Variants in CD4 observed in about 807,000 individuals in gnomAD.
CD4 encodes the protein T-cell surface glycoprotein CD4.
A neutral mutation model predicts 50.5 loss-of-function variants in CD4; 25 were observed. The ratio of observed to expected loss-of-function variants is 0.49; its 90% confidence interval spans 0.36 to 0.69. CD4 has a LOEUF of 0.69. Ranked by LOEUF, CD4 falls within the 30% of genes least tolerant of loss-of-function variation. The pLI, the probability that CD4 is intolerant of heterozygous loss-of-function variation, is 0.00. For missense variants in CD4, 456 were observed against 548.5 expected, an observed-to-expected ratio of 0.83 and a Z score of 1.68; for synonymous variants, 207 against 221.9, an observed-to-expected ratio of 0.93 and a Z score of 0.60.
chr12:6,801,789 T>TAG, intron 3 of CD4, among the ~76,000 whole-genome samples: 1 of 151,526 alleles, frequency 6.6e-6, no homozygotes, highest in Admixed American at 6.6e-5. Flanking sequence ...CTTGATCTCC[T>TAG]GACCTCGTGA....
At chr12:6,798,386 A>T (rs1942438126) in intron 1 of CD4, among the ~76,000 whole-genome samples, 1 of 98,470 alleles carries the variant, frequency 1.0e-5, no homozygotes, top group East Asian at 1.9e-4. Context: ...GTTCACCAGG[A>T]TGGTCTCGAT....
At chr12:6,815,552 C>T (rs3782736) in intron 5 of CD4, among the ~76,000 whole-genome samples, 1 of 151,920 alleles carries the variant, frequency 6.6e-6, no homozygotes, top group Non-Finnish European at 1.5e-5. Flanking sequence ...AACCATGTGA[C>T]CTTGGGTGAG....
rs782517618 is a variant in CD4, at chr12:6,819,370, T to C, written c.*41T>C. On this transcript the variant is annotated 3_prime_UTR_variant, in exon 10 of 10. Transcript: ENST00000011653. ...AGATCCCACTTGCAGCCTCCCCAGG[T>C]GTCTGCCCCGCGTTTCCTGCCTGCG... The C allele has an allele frequency of 1.2e-6, 2 of 1,601,258 alleles. No individual in the cohort carries two copies. The highest frequency in any genetic ancestry group is 2.2e-5 in the East Asian group (1 of 44,820).
In CD4 at chr12:6,817,358, C is replaced by T. The variant is rs1943108509; in HGVS notation, c.1156+28C>T. 1.9e-6 allele frequency: 3 copies of T among 1,540,118 alleles called. 1 individual carries two copies. In the South Asian group the frequency reaches 3.6e-5, roughly 18 times the overall value. ...AAGGACCCAGGTTCCAAGGCCTCTG[C>T]CTCCTGGGCTGCGGGACCTTCCTGT... On this transcript the variant is annotated intron_variant, in intron 7 of 9. Coordinates refer to ENST00000011653, the MANE Select transcript of CD4 (RefSeq NM_000616.5).
intron 3 of CD4, among the ~76,000 whole-genome samples, chr12:6,809,887 C>CTT (rs1345214938): frequency 8.6e-6 from 1 of 116,650 alleles, no homozygotes; most frequent in East Asian, 2.9e-4. Context: ...ATTGCCTATA[C>CTT]CTCTTTTTTT....
In CD4 at chr12:6,816,131, C is replaced by T. The variant is rs200190524; in HGVS notation, c.683C>T (p.Thr228Ile). The T allele has an allele frequency of 2.5e-6, 4 of 1,614,070 alleles. No individual in the cohort carries two copies. The highest frequency in any genetic ancestry group is 3.4e-6 in the Non-Finnish European group (4 of 1,180,036). ...GAGTTCTCCTTCCCACTCGCCTTTA[C>T]AGTTGAAAAGCTGACGGGCAGTGGC... ...QVEFSFPLAF[T>I]VEKLTGSGEL... The change falls in exon 6 of 10, where the codon ACA (threonine) becomes ATA (isoleucine). Residue 228 changes from threonine (T) to isoleucine (I), a missense_variant. Coordinates refer to ENST00000011653, the MANE Select transcript of CD4 (RefSeq NM_000616.5). This position sits in a 1 kb window ranked among gnomAD's most constrained non-coding sequence, Gnocchi z 4.9.
intron 7 of CD4, among the ~76,000 whole-genome samples, chr12:6,817,918 C>T (rs966756730): frequency 2.0e-5 from 3 of 151,932 alleles, no homozygotes; most frequent in East Asian, 1.9e-4. Flanking sequence ...CACACACTGT[C>T]GTACACGTAC....
intron 3 of CD4, among the ~76,000 whole-genome samples, chr12:6,803,556 A>G (rs1555115707): frequency 5.4e-5 from 8 of 146,832 alleles, no homozygotes; most frequent in East Asian, 2.0e-4. Context: ...AGGCTGTGGC[A>G]GGCGGATCAC....
chr12:6,819,179 G>T, intron 9 of CD4, 120 bp from the exon 10 acceptor site: 1 of 1,012,050 alleles, frequency 9.9e-7, no homozygotes. Context: ...AGCAGGCCAG[G>T]AAAGGCCCTG....
chr12:6,818,115 T>G lies in CD4; in HGVS notation c.1157-306T>G, dbSNP rs1943150388. Among the ~76,000 whole-genome samples, 1 of 144,712 alleles carries G rather than the reference T, an allele frequency of 6.9e-6. No individual in the cohort carries two copies. Among genetic ancestry groups the G allele is most frequent in the Non-Finnish European group, 1.5e-5 (1 of 66,158 alleles). 94.9% of individuals were successfully genotyped at this position (144,712 alleles called of 152,430 possible). On this transcript the variant is annotated intron_variant, in intron 7 of 9. Transcript: ENST00000011653. The surrounding 1 kb of genome is among the most constrained non-coding windows in gnomAD (Gnocchi z 5.0). ...GCGCACACGCGCGCACACACACACATTCACACCATTCACACACGCACACAC... is the reference window on the plus strand; with the variant it reads ...GCGCACACGCGCGCACACACACACAGTCACACCATTCACACACGCACACAC...
Position 6,819,318 on chromosome 12 carries a change from AG to A in CD4, c.1367del (p.Ser456ThrfsTer29). On this transcript the variant is annotated frameshift_variant, in exon 10 of 10. Coordinates refer to ENST00000011653, the MANE Select transcript of CD4 (RefSeq NM_000616.5). LOFTEE classifies it high-confidence loss of function. ...QCPHRFQKTC[S>X]PI The stretch of plus-strand genomic sequence containing the variant: ...CTGCAGCCGGTTTCAGAAGACATGT[AG>A]CCCCATTTGAGGCACGAGGCCAGGC... 1.2e-6 allele frequency: 2 copies of A among 1,614,112 alleles called. No homozygotes were observed. The highest frequency in any genetic ancestry group is 1.7e-6 in the Non-Finnish European group (2 of 1,179,986).
intron 3 of CD4, among the ~76,000 whole-genome samples, chr12:6,811,861 G>A (rs1555117057): frequency 6.6e-6 from 1 of 151,980 alleles, no homozygotes; most frequent in Admixed American, 6.6e-5. Context: ...CCAGGCTGGA[G>A]TGCAGTGTTA....
chr12:6,819,219 G>A lies in CD4; in HGVS notation c.1347-80G>A, dbSNP rs1485955949. The stretch of plus-strand genomic sequence containing the variant: ...AAAGCCACTGGAGCTGTGCTGCGCT[G>A]GAAAGGCCATTGGAGGTGCTAGAAC... On this transcript the variant is annotated intron_variant, in intron 9 of 9. Transcript: ENST00000011653. 3.5e-6 allele frequency: 5 copies of A among 1,414,946 alleles called. No individual in the cohort carries two copies. The African/African-American group carries it at 5.6e-5, about 16-fold the overall frequency. 87.6% of individuals were successfully genotyped at this position (1,414,946 alleles called of 1,614,324 possible).
At chr12:6,808,900 G>A (rs76026287) in intron 3 of CD4, among the ~76,000 whole-genome samples, 4 of 151,940 alleles carry the variant, frequency 2.6e-5, no homozygotes, top group African/African-American at 4.8e-5. Flanking sequence ...TTTTGGGGGG[G>A]GCAATTTTAT....
At chr12:6,791,861 G>A (rs148017586) in intron 1 of CD4, among the ~76,000 whole-genome samples, 26 of 152,286 alleles carry the variant, frequency 1.7e-4, no homozygotes, top group Admixed American at 1.0e-3. Flanking sequence ...CAGCCTGGGC[G>A]AGAGTGAGGC....
chr12:6,812,974 C>G (rs782003138), intron 3 of CD4, among the ~76,000 whole-genome samples: 31 of 152,022 alleles, frequency 2.0e-4, no homozygotes, highest in African/African-American at 6.8e-4. Flanking sequence ...GTGGCATGAT[C>G]ATAGCTCACT....
At chr12:6,797,080 C>T (rs1045736755) in intron 1 of CD4, among the ~76,000 whole-genome samples, 5 of 152,192 alleles carry the variant, frequency 3.3e-5, no homozygotes, top group African/African-American at 9.7e-5. Context: ...GACCCACCCC[C>T]AGTTTCTGAT....
intron 5 of CD4, 32 bp downstream of exon 5, chr12:6,815,024 C>T (rs1259830980): frequency 2.0e-6 from 3 of 1,474,164 alleles, no homozygotes; most frequent in African/African-American, 1.4e-5. Context: ...GCAGTCTCCT[C>T]CCTGCCCCAG....
At chr12:6,812,535 C>T (rs1555117148) in intron 3 of CD4, among the ~76,000 whole-genome samples, 4 of 151,940 alleles carry the variant, frequency 2.6e-5, no homozygotes, top group Admixed American at 1.3e-4. Flanking sequence ...CAAAATTAGC[C>T]GGGCTTGGTT....
Sources: allele counts gnomAD v4.1 joint callset (sites outside exome capture counted in the v4.1 genomes callset), GRCh38; gene constraint gnomAD v4.1.1; non-coding constraint Gnocchi (gnomAD v3.1); transcripts MANE v1.5; gene names NCBI Gene and HGNC (gene_info 2026-07-23, HGNC 2026-07-21).